MAPK10: variants seen among roughly 807,000 people sequenced by gnomAD.
MAPK10 encodes JNK3 alpha protein kinase.
MAPK10 carries 25 observed loss-of-function variants against 59.3 expected under a neutral mutation model. The observed-to-expected ratio is 0.42, with a 90% CI of 0.31 to 0.59. The LOEUF is 0.59. Ranked by LOEUF, MAPK10 falls within the 20% of genes least tolerant of loss-of-function variation. The probability of loss-of-function intolerance (pLI) is 0.15; values close to 1 mark genes in which losing one functional copy is unlikely to be tolerated. For missense variants in MAPK10, 351 were observed against 568.9 expected, an observed-to-expected ratio of 0.62 and a Z score of 3.90; for synonymous variants, 190 against 200.5, an observed-to-expected ratio of 0.95 and a Z score of 0.44.
At chr4:86,516,096 A>C (rs1333610152) in intron 1 of MAPK10, among the ~76,000 whole-genome samples, 1 of 152,064 alleles carries the variant, frequency 6.6e-6, no homozygotes, top group Non-Finnish European at 1.5e-5. Context: ...ATTCTTCTAC[A>C]TGTGGCTTGC....
intron 1 of MAPK10, among the ~76,000 whole-genome samples, chr4:86,458,450 A>C (rs1751434480): frequency 6.6e-6 from 1 of 152,120 alleles, no homozygotes; most frequent in Non-Finnish European, 1.5e-5. Context: ...CAACAGAGCG[A>C]AACTCCATCT....
chr4:86,425,694 C>G (rs541469601), intron 1 of MAPK10, among the ~76,000 whole-genome samples: 1 of 152,106 alleles, frequency 6.6e-6, no homozygotes, highest in African/African-American at 2.4e-5. Flanking sequence ...ATTTAAGGAT[C>G]GGGCGCAGTG....
chr4:86,071,508 G>C (rs1465140417), intron 9 of MAPK10, among the ~76,000 whole-genome samples: 1 of 145,780 alleles, frequency 6.9e-6, no homozygotes, highest in African/African-American at 2.6e-5. Context: ...TTTTCTTCTA[G>C]GGTTTTTATG....
chr4:86,280,360 A>G (rs1199058572), intron 2 of MAPK10, among the ~76,000 whole-genome samples: 2 of 152,230 alleles, frequency 1.3e-5, no homozygotes, highest in Non-Finnish European at 2.9e-5. Context: ...AATGCTCCAC[A>G]TCACTAATCA....
At chr4:86,450,879 A>AT (rs1427173612) in intron 1 of MAPK10, among the ~76,000 whole-genome samples, 1 of 152,224 alleles carries the variant, frequency 6.6e-6, no homozygotes, top group African/African-American at 2.4e-5. Context: ...ATTCAAAAGT[A>AT]TTCTTTCCAT....
At chr4:86,261,904 C>T (rs2093998071) in intron 2 of MAPK10, among the ~76,000 whole-genome samples, 1 of 152,232 alleles carries the variant, frequency 6.6e-6, no homozygotes, top group Non-Finnish European at 1.5e-5. Context: ...GCCGTGAGGG[C>T]TAGTTCCACA....
intron 3 of MAPK10, among the ~76,000 whole-genome samples, chr4:86,186,742 T>A (rs2149297037): frequency 6.6e-6 from 1 of 152,172 alleles, no homozygotes; most frequent in Middle Eastern, 3.4e-3. Flanking sequence ...GAACAATTCT[T>A]GAGAGTAAAA....
At chr4:86,239,106 A>G (rs951309385) in intron 2 of MAPK10, among the ~76,000 whole-genome samples, 1 of 152,152 alleles carries the variant, frequency 6.6e-6, no homozygotes, top group Non-Finnish European at 1.5e-5. Context: ...TGAGATAATC[A>G]TGTGGTTTTT....
chr4:86,128,337 T>C (rs1481414543), intron 4 of MAPK10, among the ~76,000 whole-genome samples: 1 of 152,100 alleles, frequency 6.6e-6, no homozygotes, highest in Non-Finnish European at 1.5e-5. Context: ...GTAGTTCCCA[T>C]AATCCCCACG....
At chr4:86,061,837 T>G (rs1225496540) in intron 11 of MAPK10, among the ~76,000 whole-genome samples, 1 of 152,124 alleles carries the variant, frequency 6.6e-6, no homozygotes, top group Non-Finnish European at 1.5e-5. Flanking sequence ...CCCAATTATT[T>G]GATACTTCCA....
At chr4:86,437,213 CAAA>C (rs61312037) in intron 1 of MAPK10, among the ~76,000 whole-genome samples, 11 of 80,740 alleles carry the variant, frequency 1.4e-4, no homozygotes, top group African/African-American at 1.4e-4. Context: ...GACTCTGTCT[CAAA>C]AAAAAAAAAA....
intron 2 of MAPK10, among the ~76,000 whole-genome samples, chr4:86,244,454 C>T (rs1254893692): frequency 6.6e-6 from 1 of 152,154 alleles, no homozygotes; most frequent in Non-Finnish European, 1.5e-5. Flanking sequence ...TAAAATATAT[C>T]ACTGCTCACT....
At chr4:86,547,565 G>A (rs894561396) in intron 1 of MAPK10, among the ~76,000 whole-genome samples, 5 of 152,308 alleles carry the variant, frequency 3.3e-5, no homozygotes, top group African/African-American at 1.2e-4. Flanking sequence ...CTGTGCCGCG[G>A]AGCCTCCCCT....
chr4:86,163,442 A>T (rs1291176502), intron 3 of MAPK10, among the ~76,000 whole-genome samples: 1 of 152,192 alleles, frequency 6.6e-6, no homozygotes. Flanking sequence ...GAAAAATATT[A>T]TCAGTGCTAA....
At chr4:86,301,319 T>C (rs1257517698) in intron 2 of MAPK10, among the ~76,000 whole-genome samples, 1 of 151,842 alleles carries the variant, frequency 6.6e-6, no homozygotes, top group Non-Finnish European at 1.5e-5. Context: ...GACAACCTTC[T>C]TCACAGTGAA....
rs2055300661 is a variant in MAPK10 at position 86,101,194 on chromosome 4, T to TA, written c.587dup (p.Val197SerfsTer4). Reference sequence around the variant, plus strand: ...TTTTCAATGTGCAATCAGACTTGACTACAATGTTACTTGGTTTTAAATCCT... The same window carrying TA: ...TTTTCAATGTGCAATCAGACTTGACTAACAATGTTACTTGGTTTTAAATCCT... On this transcript the variant is annotated frameshift_variant, in exon 8 of 14. Transcript: ENST00000641462. LOFTEE classifies it high-confidence loss of function. 6.2e-7 allele frequency: 1 copy of TA among 1,613,756 alleles called. No individual in the cohort carries two copies. The highest frequency in any genetic ancestry group is 1.3e-5 in the African/African-American group (1 of 74,922).
At chr4:86,071,019 G>C (rs1297691535) in intron 9 of MAPK10, among the ~76,000 whole-genome samples, 1 of 151,924 alleles carries the variant, frequency 6.6e-6, no homozygotes, top group African/African-American at 2.4e-5. Flanking sequence ...CAGTGTAAAA[G>C]TGTTGCTATT....
intron 9 of MAPK10, 34 bp downstream of exon 9, chr4:86,098,490 A>G: frequency 1.2e-6 from 2 of 1,610,780 alleles, no homozygotes; most frequent in Non-Finnish European, 1.7e-6. Flanking sequence ...AGAGAACAAA[A>G]CAGGTAAAGC....
At chr4:86,403,710 C>A (rs913605766) in intron 1 of MAPK10, among the ~76,000 whole-genome samples, 1 of 152,024 alleles carries the variant, frequency 6.6e-6, no homozygotes, top group Non-Finnish European at 1.5e-5. Context: ...AGGGGAAATG[C>A]CAGATGCTAA....
Sources: gnomAD v4.1 joint callset for allele counts (sites outside exome capture counted in the v4.1 genomes callset) on GRCh38, gnomAD v4.1.1 for gene constraint, MANE v1.5 for transcripts, NCBI Gene and HGNC (gene_info 2026-07-23, HGNC 2026-07-21) for gene names.